Variants in CYP11A1 observed in about 807,000 individuals in gnomAD.
CYP11A1 encodes the protein cholesterol side-chain cleavage enzyme, mitochondrial.
Under a neutral mutation model 51.9 loss-of-function variants are expected in CYP11A1, and 25 were observed. That is an observed-to-expected ratio of 0.48 (90% confidence interval 0.35 to 0.67). CYP11A1 has a LOEUF of 0.67. Ranked by LOEUF, CYP11A1 falls within the 30% of genes least tolerant of loss-of-function variation. The pLI, the probability that CYP11A1 is intolerant of heterozygous loss-of-function variation, is 0.00. For missense variants in CYP11A1, 578 were observed against 680.9 expected, an observed-to-expected ratio of 0.85 and a Z score of 1.68; for synonymous variants, 245 against 262.1, an observed-to-expected ratio of 0.93 and a Z score of 0.63.
At chr15:74,358,249 C>A (rs546649498) in intron 1 of CYP11A1, among the ~76,000 whole-genome samples, 1 of 152,254 alleles carries the variant, frequency 6.6e-6, no homozygotes, top group African/African-American at 2.4e-5. Context: ...ATTCCAACTT[C>A]TATCCCTCAC....
At chr15:74,347,337 G>A (rs1032683109) in intron 2 of CYP11A1, among the ~76,000 whole-genome samples, 3 of 152,086 alleles carry the variant, frequency 2.0e-5, no homozygotes, top group African/African-American at 7.2e-5. Flanking sequence ...TGTGCCGGGG[G>A]GCAGAGGCTG....
chr15:74,361,436 A>G, intron 1 of CYP11A1: 1 of 345,954 alleles, frequency 2.9e-6, no homozygotes, highest in Non-Finnish European at 5.5e-6. Flanking sequence ...AATTAATTAC[A>G]TATCAAGAAA....
At chr15:74,366,199 G>A in intron 1 of CYP11A1, 10 of 985,472 alleles carry the variant, frequency 1.0e-5, no homozygotes, top group Non-Finnish European at 1.2e-5. Flanking sequence ...AGGAATGCTG[G>A]GTCTGTCGCT....
intron 3 of CYP11A1, 102 bp from the exon 4 acceptor site, chr15:74,344,094 A>C: frequency 1.1e-6 from 1 of 936,490 alleles, no homozygotes; most frequent in East Asian, 2.5e-5. Flanking sequence ...AGCACAAAGG[A>C]TCTCTTGCCC....
At chr15:74,358,786 G>A (rs914753996) in intron 1 of CYP11A1, among the ~76,000 whole-genome samples, 2 of 152,176 alleles carry the variant, frequency 1.3e-5, no homozygotes, top group African/African-American at 4.8e-5. Flanking sequence ...TCTGATAACA[G>A]ACCAGCCTTT....
chr15:74,365,995 C>A, intron 1 of CYP11A1: 1 of 986,314 alleles, frequency 1.0e-6, no homozygotes, highest in South Asian at 4.5e-5. Flanking sequence ...GGGCCGCCGC[C>A]GCCTCCGCGG....
intron 8 of CYP11A1, 193 bp downstream of exon 8, chr15:74,338,378 G>A (rs896625690): frequency 4.1e-6 from 3 of 725,052 alleles, no homozygotes; most frequent in African/African-American, 3.5e-5. Context: ...GGCATCAGTG[G>A]GTGATGAGTG....
intron 1 of CYP11A1, 120 bp downstream of exon 1, chr15:74,367,192 AAAAAG>A: frequency 3.0e-6 from 3 of 998,836 alleles, no homozygotes; most frequent in South Asian, 3.0e-5. Flanking sequence ...AAAAAAAAAA[AAAAAG>A]AAGTTAGACA....
At chr15:74,359,550 C>T (rs1055350030) in intron 1 of CYP11A1, 1 of 152,172 alleles carries the variant, frequency 6.6e-6, no homozygotes, top group African/African-American at 2.4e-5. Context: ...CCTGGCTCAT[C>T]CTGGCTCAAA....
chr15:74,348,052 C>T lies in CYP11A1; in HGVS notation c.273G>A (p.Glu91=), dbSNP rs747254010. The T allele has an allele frequency of 2.5e-6, 4 of 1,614,024 alleles. No homozygotes were observed. The highest frequency in any genetic ancestry group is 4.5e-5 in the East Asian group (2 of 44,890). Residue 91 remains glutamate, a synonymous_variant, in exon 2 of 9, where the codon GAG becomes GAA. Transcript: ENST00000268053. ...AAACCGACTCCACGTTGCCGAGCTT[C>T]TCCCTGGAGGGGTGGGGGAGAGGGG... ...NFQKYGPIYR[E]KLGNVESVYV...
intron 1 of CYP11A1, among the ~76,000 whole-genome samples, chr15:74,365,023 A>G (rs1379767986): frequency 6.6e-6 from 1 of 150,988 alleles, no homozygotes; most frequent in East Asian, 1.9e-4. Context: ...CTTCTCACCC[A>G]CCCCCAGCCC....
chr15:74,346,363 AAAAAAAAAAAG>A (rs1338737533), intron 2 of CYP11A1, among the ~76,000 whole-genome samples: 1 of 150,944 alleles, frequency 6.6e-6, no homozygotes, highest in Non-Finnish European at 1.5e-5. Context: ...AAAAAAAAAA[AAAAAAAAAAAG>A]AAAGAAAGAA....
chr15:74,357,716 C>T (rs114381848), intron 1 of CYP11A1, among the ~76,000 whole-genome samples: 1,571 of 152,204 alleles, frequency 0.01, 29 homozygotes, highest in African/African-American at 0.036. Context: ...GAGCCAGGAC[C>T]GCGCCCGGCA....
chr15:74,358,090 C>T (rs966277412), intron 1 of CYP11A1, among the ~76,000 whole-genome samples: 1 of 152,216 alleles, frequency 6.6e-6, no homozygotes, highest in Non-Finnish European at 1.5e-5. Flanking sequence ...GGTCCTCCAT[C>T]TTAATGCCTC....
At chr15:74,352,694 A>G (rs2060661600) in intron 1 of CYP11A1, among the ~76,000 whole-genome samples, 2 of 152,204 alleles carry the variant, frequency 1.3e-5, no homozygotes. Context: ...CAGAAACTCA[A>G]AAGAATGTAA....
chr15:74,366,064 G>C (rs2060731474), intron 1 of CYP11A1: 1 of 985,522 alleles, frequency 1.0e-6, no homozygotes, highest in Non-Finnish European at 1.2e-6. Context: ...GGGCGGATGG[G>C]CTCGGGCTGT....
chr15:74,359,093 C>T (rs1456209707), intron 1 of CYP11A1, among the ~76,000 whole-genome samples: 1 of 152,214 alleles, frequency 6.6e-6, no homozygotes, highest in African/African-American at 2.4e-5. Context: ...CTTATTCAGA[C>T]CTTGTGTCTT....
At chr15:74,341,028 G>A (rs1475445304) in intron 5 of CYP11A1, among the ~76,000 whole-genome samples, 7 of 152,182 alleles carry the variant, frequency 4.6e-5, no homozygotes. Flanking sequence ...TACTGCCAAG[G>A]CCTGCCATAG....
At chr15:74,362,492 AAC>A in intron 1 of CYP11A1, 3 of 154,854 alleles carry the variant, frequency 1.9e-5, no homozygotes, top group Admixed American at 6.3e-5. Flanking sequence ...ATCTGCTGGA[AAC>A]ATCAGAGAAA....
Sources: gnomAD v4.1 joint callset for allele counts (sites outside exome capture counted in the v4.1 genomes callset) on GRCh38, gnomAD v4.1.1 for gene constraint, MANE v1.5 for transcripts, NCBI Gene and HGNC (gene_info 2026-07-23, HGNC 2026-07-21) for gene names.